The following FUT8 variants were observed in gnomAD, a reference collection of about 807,000 sequenced individuals.
FUT8 encodes the protein alpha-(1,6)-fucosyltransferase.
FUT8 carries 29 observed loss-of-function variants against 71.3 expected under a neutral mutation model. The observed-to-expected ratio is 0.41, with a 90% CI of 0.30 to 0.55. FUT8 has a LOEUF of 0.55. Ranked by LOEUF, FUT8 falls within the 20% of genes least tolerant of loss-of-function variation. The pLI is 0.34. For missense variants in FUT8, 544 were observed against 702.1 expected (o/e 0.77, Z 2.55); for synonymous variants, 254 against 239.3 (o/e 1.06, Z -0.57).
At chr14:65,665,743 T>C (rs1892181491) in intron 6 of FUT8, among the ~76,000 whole-genome samples, 1 of 152,186 alleles carries the variant, frequency 6.6e-6, no homozygotes, top group African/African-American at 2.4e-5. Context: ...CATGGAATAC[T>C]GTGCAACCAT....
At chr14:65,600,255 G>A (rs1888224890) in intron 3 of FUT8, among the ~76,000 whole-genome samples, 1 of 152,086 alleles carries the variant, frequency 6.6e-6, no homozygotes, top group African/African-American at 2.4e-5. Flanking sequence ...TCACTTCACT[G>A]ATTACTTTAG....
intron 2 of FUT8, among the ~76,000 whole-genome samples, chr14:65,549,988 G>A (rs1885198184): frequency 6.6e-6 from 1 of 152,160 alleles, no homozygotes; most frequent in African/African-American, 2.4e-5. Context: ...TTGAACCCAG[G>A]AGTTGGAGGT....
In FUT8 at chr14:65,467,827, G is replaced by A; in HGVS notation, c.-228+12109G>A. On this transcript the variant is annotated intron_variant, in intron 2 of 10. Coordinates refer to ENST00000673929, the MANE Select transcript of FUT8 (RefSeq NM_001371533.1). This position sits in a 1 kb window ranked among gnomAD's most constrained non-coding sequence, Gnocchi z 4.1. Reference sequence around the variant, plus strand: ...ACCTGTTATGCTATGAATTCACAGGGAATAGGTTCCAGCAGCTCAGGCTCC... The same window carrying A: ...ACCTGTTATGCTATGAATTCACAGGAAATAGGTTCCAGCAGCTCAGGCTCC... 1 of 768,730 alleles carries A rather than the reference G, an allele frequency of 1.3e-6. No homozygotes were observed. Among genetic ancestry groups the A allele is most frequent in the Non-Finnish European group, 2.4e-6 (1 of 417,376 alleles). The allele number at this position is 768,730 out of a possible 1,614,324, so 47.6% of individuals were successfully genotyped here.
chr14:65,459,763 A>T (rs957782959), intron 2 of FUT8, among the ~76,000 whole-genome samples: 1 of 152,212 alleles, frequency 6.6e-6, no homozygotes, highest in African/African-American at 2.4e-5. Flanking sequence ...TAAAACTGCT[A>T]GTCTCTTTTA....
intron 7 of FUT8, among the ~76,000 whole-genome samples, chr14:65,675,752 G>C (rs531658398): frequency 6.3e-4 from 96 of 152,246 alleles, no homozygotes; most frequent in African/African-American, 2.3e-3. Flanking sequence ...TACTTTGGGA[G>C]GCCGAGGTGG....
chr14:65,558,751 A>G (rs1176279416), intron 2 of FUT8, among the ~76,000 whole-genome samples: 1 of 152,238 alleles, frequency 6.6e-6, no homozygotes, highest in East Asian at 1.9e-4. Context: ...AAAATTGCAT[A>G]GAAAACTATT....
At chr14:65,637,042 G>A (rs563480483) in intron 6 of FUT8, among the ~76,000 whole-genome samples, 21 of 152,110 alleles carry the variant, frequency 1.4e-4, no homozygotes, top group African/African-American at 4.1e-4. Flanking sequence ...GTTTTTTCCC[G>A]CAAAGTGAAC....
At chr14:65,419,937 A>G (rs1403204600) in intron 1 of FUT8, among the ~76,000 whole-genome samples, 1 of 152,256 alleles carries the variant, frequency 6.6e-6, no homozygotes, top group Admixed American at 6.5e-5. Flanking sequence ...TTCAAATATT[A>G]GAAGTATCTG....
rs1895300692 is a variant in FUT8, at chr14:65,719,578, G to T, written c.836-2197G>T. ...TAGTCTTCACAATCTGAACTCTTTTGTACCTGTCTTAGAAAGGCTTTCCAG... is the reference window on the plus strand; with the variant it reads ...TAGTCTTCACAATCTGAACTCTTTTTTACCTGTCTTAGAAAGGCTTTCCAG... On this transcript the variant is annotated intron_variant, in intron 7 of 10. Transcript: ENST00000673929. Among the ~76,000 whole-genome samples, 8 of 152,188 alleles carry T rather than the reference G, an allele frequency of 5.3e-5. No homozygotes were observed. In the South Asian group the frequency reaches 1.7e-3, roughly 32 times the overall value.
chr14:65,617,287 G>GTCTA (rs1459545856), intron 5 of FUT8: 2 of 1,299,636 alleles, frequency 1.5e-6, no homozygotes, highest in Non-Finnish European at 2.0e-6. Context: ...ATAAAAATCT[G>GTCTA]TCTATTGGAA....
chr14:65,511,650 T>C (rs184315366), intron 2 of FUT8, among the ~76,000 whole-genome samples: 14 of 152,326 alleles, frequency 9.2e-5, no homozygotes, highest in African/African-American at 3.1e-4. Context: ...TATAGTGACC[T>C]TCTTTGTCTC....
Position 65,731,967 on chromosome 14 carries a change from C to T in FUT8, c.1260-1264C>T, listed in dbSNP as rs116574655. ...AAAACCTATGCTGGTTTTATCAGTT[C>T]CCCCCTTTCTTTCTCCCTCTAGCAT... is the stretch of plus-strand genomic sequence containing the variant. On this transcript the variant is annotated intron_variant, in intron 9 of 10. Coordinates refer to ENST00000673929, the MANE Select transcript of FUT8 (RefSeq NM_001371533.1). 6.9e-3 allele frequency among the ~76,000 whole-genome samples: 1,057 copies of T among 152,230 alleles called. 12 individuals are homozygous for T. The highest frequency in any genetic ancestry group is 0.023 in the African/African-American group (956 of 41,520).
chr14:65,698,390 T>G (rs74663243), intron 7 of FUT8, among the ~76,000 whole-genome samples: 3 of 152,356 alleles, frequency 2.0e-5, no homozygotes, highest in African/African-American at 7.2e-5. Flanking sequence ...TTTCCTGTCA[T>G]GTACTATTTC....
intron 3 of FUT8, among the ~76,000 whole-genome samples, chr14:65,580,062 G>A (rs1161304435): frequency 1.1e-5 from 1 of 93,388 alleles, no homozygotes; most frequent in Non-Finnish European, 2.1e-5. Flanking sequence ...TACTGATAGT[G>A]CTATATTTTA....
intron 2 of FUT8, among the ~76,000 whole-genome samples, chr14:65,526,415 G>C (rs1373214381): frequency 1.3e-5 from 2 of 151,974 alleles, no homozygotes; most frequent in Non-Finnish European, 2.9e-5. Flanking sequence ...CATTTGCTTG[G>C]TAGATCTTCC....
At chr14:65,482,323 T>C (rs949540371) in intron 2 of FUT8, among the ~76,000 whole-genome samples, 3 of 152,062 alleles carry the variant, frequency 2.0e-5, no homozygotes, top group African/African-American at 7.3e-5. Context: ...CTGACCTCTT[T>C]GTCTTTCTTT....
chr14:65,605,381 C>G (rs755295997), intron 3 of FUT8, among the ~76,000 whole-genome samples: 1 of 151,922 alleles, frequency 6.6e-6, no homozygotes, highest in Non-Finnish European at 1.5e-5. Context: ...AAACCCCAGT[C>G]CCTCAGATGT....
chr14:65,622,783 A>G (rs1486900518), intron 5 of FUT8, among the ~76,000 whole-genome samples: 1 of 152,172 alleles, frequency 6.6e-6, no homozygotes, highest in Non-Finnish European at 1.5e-5. Flanking sequence ...CTTGCCCATG[A>G]TGCAGATTTG....
intron 6 of FUT8, among the ~76,000 whole-genome samples, chr14:65,650,738 A>AC (rs1566875598): frequency 8.0e-5 from 12 of 150,298 alleles, no homozygotes; most frequent in African/African-American, 2.7e-4. Flanking sequence ...AACAAAAAAA[A>AC]CCACAAACTT....
Sources: allele counts gnomAD v4.1 joint callset (sites outside exome capture counted in the v4.1 genomes callset), GRCh38; gene constraint gnomAD v4.1.1; non-coding constraint Gnocchi (gnomAD v3.1); transcripts MANE v1.5; gene names NCBI Gene and HGNC (gene_info 2026-07-23, HGNC 2026-07-21).